Variants in RASGEF1C observed in about 807,000 individuals in gnomAD.
The protein encoded by RASGEF1C is ras-GEF domain-containing family member 1C.
RASGEF1C carries 27 observed loss-of-function variants against 58.1 expected under a neutral mutation model. That is an observed-to-expected ratio of 0.46 (90% CI 0.34 to 0.64). RASGEF1C has a LOEUF of 0.64. Among genes scored for constraint, RASGEF1C ranks in the 30% least tolerant of loss-of-function variants. The probability of loss-of-function intolerance (pLI) is 0.01; values close to 1 mark genes in which losing one functional copy is unlikely to be tolerated. For missense variants in RASGEF1C, 502 were observed against 605.1 expected (o/e 0.83, Z 1.79); for synonymous variants, 243 against 246.3 (o/e 0.99, Z 0.13).
Position 180,208,949 on chromosome 5 carries a change from G to A in RASGEF1C, c.-7+79C>T, listed in dbSNP as rs1397401227. 99 of 143,898 alleles carry A rather than the reference G, an allele frequency of 6.9e-4. No homozygotes were observed. The East Asian group carries it at 0.012, about 17-fold the overall frequency. 8.9% of individuals were successfully genotyped at this position (143,898 alleles called of 1,614,324 possible). On this transcript the variant is annotated intron_variant, in intron 1 of 13. Coordinates refer to ENST00000361132, the MANE Select transcript of RASGEF1C (RefSeq NM_175062.4). Reference sequence around the variant, plus strand: ...CGCCTCCCGCCGACCCCGCCGCGCCGCCGGCAGCCCTCCCCAGCCCCCGCG... The same window carrying A: ...CGCCTCCCGCCGACCCCGCCGCGCCACCGGCAGCCCTCCCCAGCCCCCGCG...
intron 1 of RASGEF1C, among the ~76,000 whole-genome samples, chr5:180,196,494 G>A (rs1214678877): frequency 6.7e-6 from 1 of 149,156 alleles, no homozygotes; most frequent in Non-Finnish European, 1.5e-5. Context: ...GTGAGACTCT[G>A]TCTCAAAAAA....
At chr5:180,175,618 C>T (rs1262233636) in intron 1 of RASGEF1C, among the ~76,000 whole-genome samples, 1 of 152,244 alleles carries the variant, frequency 6.6e-6, no homozygotes, top group Non-Finnish European at 1.5e-5. Flanking sequence ...TGCTCATGTC[C>T]CCCGCATCAA....
intron 1 of RASGEF1C, among the ~76,000 whole-genome samples, chr5:180,146,975 A>G (rs2113287512): frequency 6.6e-6 from 1 of 152,268 alleles, no homozygotes; most frequent in African/African-American, 2.4e-5. Flanking sequence ...TTAATTACTA[A>G]TTAAACCTCA....
intron 1 of RASGEF1C, among the ~76,000 whole-genome samples, chr5:180,191,910 G>A (rs1756170908): frequency 6.6e-6 from 1 of 152,162 alleles, no homozygotes; most frequent in Non-Finnish European, 1.5e-5. Flanking sequence ...CCTAGCCTGG[G>A]CATCCTCTTC....
chr5:180,111,642 G>T, intron 11 of RASGEF1C, 62 bp from the exon 12 acceptor site: 1 of 1,595,602 alleles, frequency 6.3e-7, no homozygotes, highest in Non-Finnish European at 8.6e-7. Context: ...CCCATGAGGG[G>T]GAGGGGCTGG....
chr5:180,137,819 C>T lies in RASGEF1C; in HGVS notation c.177+57G>A, dbSNP rs921059172. ...CCCAAGGTCACGCCCAACCCTGATG[C>T]CCCCCGTGCGTGGTGGAGGAGAGCC... On this transcript the variant is annotated intron_variant, in intron 2 of 13. Transcript: ENST00000361132. This position sits in a 1 kb window ranked among gnomAD's most constrained non-coding sequence, Gnocchi z 4.1. 13 of 1,601,240 alleles carry T rather than the reference C, an allele frequency of 8.1e-6. No homozygotes were observed. In the Admixed American group the frequency reaches 1.7e-4, roughly 21 times the overall value.
intron 4 of RASGEF1C, among the ~76,000 whole-genome samples, chr5:180,133,927 C>G (rs1582273454): frequency 6.6e-6 from 1 of 152,304 alleles, no homozygotes; most frequent in East Asian, 1.9e-4. Context: ...TCAGGGACTC[C>G]CCGCTGCAAA....
At chr5:180,176,625 C>T (rs898221216) in intron 1 of RASGEF1C, among the ~76,000 whole-genome samples, 14 of 150,842 alleles carry the variant, frequency 9.3e-5, no homozygotes, top group Admixed American at 8.6e-4. Context: ...GGCGCAATCT[C>T]GGCTCACTGC....
At chr5:180,145,541 A>G (rs1438636019) in intron 1 of RASGEF1C, among the ~76,000 whole-genome samples, 1 of 152,174 alleles carries the variant, frequency 6.6e-6, no homozygotes, top group Non-Finnish European at 1.5e-5. Context: ...GGGAAGTGGT[A>G]TCTCATTGTG....
At chr5:180,108,874 TG>T (rs1190902545) in intron 12 of RASGEF1C, among the ~76,000 whole-genome samples, 1 of 152,084 alleles carries the variant, frequency 6.6e-6, no homozygotes, top group Non-Finnish European at 1.5e-5. Flanking sequence ...TCCACTTTTT[TG>T]GGGTTGTGGG....
intron 8 of RASGEF1C, 38 bp downstream of exon 8, chr5:180,119,308 C>A: frequency 6.5e-7 from 1 of 1,538,630 alleles, no homozygotes. Context: ...TCGGGGGACC[C>A]GTGCACTGGG....
intron 1 of RASGEF1C, among the ~76,000 whole-genome samples, chr5:180,203,795 G>A (rs1264432363): frequency 6.6e-6 from 1 of 152,192 alleles, no homozygotes. Context: ...AGGAGTTCGA[G>A]ACCAGCCTGG....
chr5:180,181,655 G>T (rs1767329096), intron 1 of RASGEF1C, among the ~76,000 whole-genome samples: 1 of 152,320 alleles, frequency 6.6e-6, no homozygotes, highest in South Asian at 2.1e-4. Context: ...AGGCAGGGAA[G>T]GGTTCTATTG....
At chr5:180,138,950 A>G (rs1049913818) in intron 1 of RASGEF1C, among the ~76,000 whole-genome samples, 13 of 151,804 alleles carry the variant, frequency 8.6e-5, no homozygotes, top group African/African-American at 3.1e-4. Flanking sequence ...GCTGCACCTG[A>G]CCTCTGGTGG....
chr5:180,139,742 A>G (rs965115656), intron 1 of RASGEF1C, among the ~76,000 whole-genome samples: 1 of 152,234 alleles, frequency 6.6e-6, no homozygotes, highest in African/African-American at 2.4e-5. Context: ...GAAGCTGCAC[A>G]TGCTCAGTGG....
At chr5:180,117,994 C>CA (rs3078957) in intron 10 of RASGEF1C, among the ~76,000 whole-genome samples, 7,480 of 108,496 alleles carry the variant, frequency 0.069, 925 homozygotes, top group African/African-American at 0.26. Flanking sequence ...ACTCCATCTC[C>CA]AAAAAAAAAA....
At chr5:180,182,147 G>C (rs1432309599) in intron 1 of RASGEF1C, among the ~76,000 whole-genome samples, 1 of 137,206 alleles carries the variant, frequency 7.3e-6, no homozygotes, top group Admixed American at 7.7e-5. Flanking sequence ...GGAGCTTGCA[G>C]TGAGTCGAGA....
chr5:180,138,438 G>C (rs1450652267), intron 1 of RASGEF1C: 1 of 171,338 alleles, frequency 5.8e-6, no homozygotes, highest in African/African-American at 2.4e-5. Flanking sequence ...TTCAGGGATT[G>C]GCCCCATCCA....
At chr5:180,146,917 C>A (rs1379147075) in intron 1 of RASGEF1C, among the ~76,000 whole-genome samples, 1 of 152,122 alleles carries the variant, frequency 6.6e-6, no homozygotes, top group Admixed American at 6.5e-5. Flanking sequence ...TGGTAGAATT[C>A]ACCAGTGAAA....
Sources: allele counts gnomAD v4.1 joint callset (sites outside exome capture counted in the v4.1 genomes callset), GRCh38; gene constraint gnomAD v4.1.1; non-coding constraint Gnocchi (gnomAD v3.1); transcripts MANE v1.5; gene names NCBI Gene and HGNC (gene_info 2026-07-23, HGNC 2026-07-21).